Variants in USH2A observed in about 807,000 individuals in gnomAD.
The protein encoded by USH2A is Usher syndrome 2A (autosomal recessive, mild).
USH2A carries 443 observed loss-of-function variants against 538.9 expected under a neutral mutation model. The ratio of observed to expected loss-of-function variants is 0.82; its 90% confidence interval spans 0.76 to 0.89. USH2A has a LOEUF of 0.89. USH2A is among the 40% of genes least tolerant of loss of function. The pLI is 0.00. For synonymous variants in USH2A, 2,413 were observed against 2,273.5 expected, an observed-to-expected ratio of 1.06 and a Z score of -1.75; for missense variants, 6,633 against 6,324.8, an observed-to-expected ratio of 1.05 and a Z score of -1.65.
chr1:215,915,538 CT>C (rs1294899781), intron 38 of USH2A, among the ~76,000 whole-genome samples: 3 of 151,894 alleles, frequency 2.0e-5, no homozygotes, highest in African/African-American at 7.2e-5. Flanking sequence ...ACTTTTTTCT[CT>C]TTTACTTGTC....
At chr1:216,087,637 A>G (rs1459638963) in intron 23 of USH2A, among the ~76,000 whole-genome samples, 1 of 152,138 alleles carries the variant, frequency 6.6e-6, no homozygotes, top group Non-Finnish European at 1.5e-5. Flanking sequence ...AACTTTATAA[A>G]AACAGGCATG....
At chr1:216,210,993 A>T (rs1319522969) in intron 15 of USH2A, among the ~76,000 whole-genome samples, 1 of 140,444 alleles carries the variant, frequency 7.1e-6, no homozygotes, top group Non-Finnish European at 1.6e-5. Context: ...ACAACAACAA[A>T]AAGGGTGTTT....
chr1:216,196,862 A>G, intron 18 of USH2A, 140 bp from the exon 19 acceptor site: 1 of 970,224 alleles, frequency 1.0e-6, no homozygotes, highest in South Asian at 1.4e-5. Flanking sequence ...GTCCAAGAAT[A>G]TGCTGGTATA....
At chr1:215,643,057 G>A (rs868547010) in intron 67 of USH2A, among the ~76,000 whole-genome samples, 4 of 151,994 alleles carry the variant, frequency 2.6e-5, no homozygotes, top group South Asian at 2.1e-4. Flanking sequence ...GTGCAGTGGC[G>A]CTATCTCGGC....
At chr1:215,912,500 T>TATATAC (rs1665829136) in intron 38 of USH2A, among the ~76,000 whole-genome samples, 1 of 22,270 alleles carries the variant, frequency 4.5e-5, no homozygotes, top group East Asian at 1.3e-3. Context: ...TGTGTATATA[T>TATATAC]ATATATATAT....
chr1:216,234,414 T>C (rs1423362560), intron 13 of USH2A, among the ~76,000 whole-genome samples: 2 of 152,214 alleles, frequency 1.3e-5, no homozygotes, highest in African/African-American at 2.4e-5. Context: ...TTGTACCACC[T>C]GACAGCAATT....
intron 64 of USH2A, among the ~76,000 whole-genome samples, chr1:215,670,477 T>A (rs750076546): frequency 6.6e-6 from 1 of 152,158 alleles, no homozygotes; most frequent in Non-Finnish European, 1.5e-5. Context: ...GCAGTCTTAT[T>A]TTTTTAGGCC....
Position 215,985,177 on chromosome 1 carries a change from T to C in USH2A, c.6805+7843A>G, listed in dbSNP as rs1558195408. On this transcript the variant is annotated intron_variant, in intron 35 of 71. Transcript: ENST00000307340. Reference sequence around the variant, plus strand: ...AGAAAATAGAATCACATTTTGACCATTTAAAAATAAAGTTATTTTAAAATA... The same window carrying C: ...AGAAAATAGAATCACATTTTGACCACTTAAAAATAAAGTTATTTTAAAATA... 3.3e-5 allele frequency among the ~76,000 whole-genome samples: 5 copies of C among 152,288 alleles called. No homozygotes were observed. The South Asian group carries it at 1.0e-3, about 32-fold the overall frequency.
At chr1:215,814,397 G>T (rs1183248727) in intron 48 of USH2A, among the ~76,000 whole-genome samples, 6 of 150,682 alleles carry the variant, frequency 4.0e-5, no homozygotes, top group African/African-American at 1.5e-4. Context: ...TTATTGTTGG[G>T]ATTAAAGAGG....
At chr1:216,033,841 A>G (rs1669183003) in intron 32 of USH2A, among the ~76,000 whole-genome samples, 2 of 152,210 alleles carry the variant, frequency 1.3e-5, no homozygotes, top group African/African-American at 4.8e-5. Context: ...CCCTGTCTTA[A>G]AACAAGAACA....
At position 216,170,865 on chromosome 1, in the gene USH2A, C is replaced by T. The variant is rs193283862; in HGVS notation, c.4627+4387G>A. 1.4e-4 allele frequency among the ~76,000 whole-genome samples: 21 copies of T among 152,096 alleles called. No homozygotes were observed. The East Asian group carries it at 3.5e-3, about 25-fold the overall frequency. On this transcript the variant is annotated intron_variant, in intron 21 of 71. Coordinates refer to ENST00000307340, the MANE Select transcript of USH2A (RefSeq NM_206933.4). Reference sequence around the variant, plus strand: ...CTCTCCAAAGGCACAATGATATCCCCTTCTAGTTGCATATGGGAGGGGAGG... The same window carrying T: ...CTCTCCAAAGGCACAATGATATCCCTTTCTAGTTGCATATGGGAGGGGAGG...
chr1:215,901,647 G>A (rs535544111), intron 38 of USH2A, among the ~76,000 whole-genome samples: 1 of 152,088 alleles, frequency 6.6e-6, no homozygotes, highest in South Asian at 2.1e-4. Context: ...TACCTGCTTG[G>A]TACAATCTAC....
chr1:215,790,443 G>C (rs1661949604), intron 50 of USH2A, among the ~76,000 whole-genome samples, 161 bp from the exon 51 acceptor site: 1 of 152,190 alleles, frequency 6.6e-6, no homozygotes, highest in South Asian at 2.1e-4. Context: ...AATGTGCAGT[G>C]AGGGTCCTTC....
chr1:216,332,902 G>A (rs1181170623), intron 4 of USH2A, among the ~76,000 whole-genome samples: 2 of 152,092 alleles, frequency 1.3e-5, no homozygotes, highest in South Asian at 2.1e-4. Context: ...TGTTTAAAAT[G>A]TCTGGTTTTC....
At chr1:215,644,431 C>A (rs1656784438) in intron 67 of USH2A, among the ~76,000 whole-genome samples, 1 of 152,048 alleles carries the variant, frequency 6.6e-6, no homozygotes, top group South Asian at 2.1e-4. Flanking sequence ...CAGATGAACT[C>A]ACCTGATGAG....
At position 216,048,586 on chromosome 1, in the gene USH2A, C is replaced by T. The variant is rs202041690; in HGVS notation, c.6111G>A (p.Leu2037=). The T allele has an allele frequency of 1.9e-6, 3 of 1,614,046 alleles. No homozygotes were observed. The African/African-American group carries it at 4.0e-5, about 22-fold the overall frequency. The change falls in exon 31 of 72, where the codon TTG becomes TTA. Residue 2037 remains leucine (L), a synonymous_variant. Coordinates refer to ENST00000307340, the MANE Select transcript of USH2A (RefSeq NM_206933.4). ...NYAVTLTACT[L]AGCTESSHAL... is the part of the protein sequence containing the mutation. Reference sequence around the variant, plus strand: ...CATGTGAGCTCTCAGTACAGCCAGCCAAAGTGCAAGCAGTTAGGGTTACTG... The same window carrying T: ...CATGTGAGCTCTCAGTACAGCCAGCTAAAGTGCAAGCAGTTAGGGTTACTG...
At chr1:215,937,154 T>C (rs1458405781) in intron 37 of USH2A, among the ~76,000 whole-genome samples, 4 of 152,078 alleles carry the variant, frequency 2.6e-5, no homozygotes, top group African/African-American at 9.7e-5. Flanking sequence ...ACAGTGCTTG[T>C]GGGCTAAAAC....
intron 44 of USH2A, among the ~76,000 whole-genome samples, chr1:215,862,937 C>T (rs747399956): frequency 2.6e-5 from 4 of 152,060 alleles, no homozygotes; most frequent in Non-Finnish European, 5.9e-5. Flanking sequence ...ACAATGTTGG[C>T]GGTTGTCATT....
chr1:216,104,886 C>T (rs930747631), intron 21 of USH2A, among the ~76,000 whole-genome samples: 19 of 152,080 alleles, frequency 1.2e-4, no homozygotes, highest in African/African-American at 7.2e-5. Context: ...GAACAGGCAA[C>T]CTACAGAATG....
Sources: allele counts gnomAD v4.1 joint callset (sites outside exome capture counted in the v4.1 genomes callset), GRCh38; gene constraint gnomAD v4.1.1; transcripts MANE v1.5; gene names NCBI Gene and HGNC (gene_info 2026-07-23, HGNC 2026-07-21).